KIF6: variants seen among roughly 807,000 people sequenced by gnomAD.
The protein encoded by KIF6 is kinesin-like protein KIF6.
KIF6 carries 106 observed loss-of-function variants against 112.7 expected under a neutral mutation model. The ratio of observed to expected loss-of-function variants is 0.94; its 90% confidence interval spans 0.80 to 1.11. The LOEUF is 1.11. Ranked by LOEUF, KIF6 falls within the 50% of genes least tolerant of loss-of-function variation. KIF6 has a pLI of 0.00. For synonymous variants in KIF6, 339 were observed against 339.9 expected (o/e 1.00, Z 0.03); for missense variants, 929 against 964.0 (o/e 0.96, Z 0.48).
chr6:39,420,107 T>C (rs1318679189), intron 14 of KIF6, 104 bp from the exon 15 acceptor site: 5 of 769,802 alleles, frequency 6.5e-6, no homozygotes, highest in Non-Finnish European at 6.5e-6. Context: ...TGAAACTTTA[T>C]TGAAAGACAC....
chr6:39,485,980 G>A (rs1189376019), intron 13 of KIF6, among the ~76,000 whole-genome samples: 1 of 152,182 alleles, frequency 6.6e-6, no homozygotes, highest in East Asian at 1.9e-4. Flanking sequence ...TTGTCAAGGT[G>A]GCACAGCTAG....
chr6:39,405,063 C>T (rs145516588), intron 15 of KIF6, among the ~76,000 whole-genome samples: 65 of 151,820 alleles, frequency 4.3e-4, no homozygotes, highest in Non-Finnish European at 8.2e-4. Flanking sequence ...TATGTGTAGA[C>T]CTTGTATCCT....
intron 13 of KIF6, among the ~76,000 whole-genome samples, chr6:39,457,162 C>A (rs200763161): frequency 6.6e-6 from 1 of 151,610 alleles, no homozygotes; most frequent in East Asian, 1.9e-4. Flanking sequence ...GAAATTATAA[C>A]AAACTATCTC....
At chr6:39,501,095 G>A (rs1391630755) in intron 13 of KIF6, among the ~76,000 whole-genome samples, 3 of 152,046 alleles carry the variant, frequency 2.0e-5, no homozygotes, top group African/African-American at 7.2e-5. Context: ...ATGAAGAAAA[G>A]GGTGACGGCT....
At chr6:39,415,811 C>T (rs1185646376) in intron 15 of KIF6, among the ~76,000 whole-genome samples, 3 of 151,982 alleles carry the variant, frequency 2.0e-5, no homozygotes, top group African/African-American at 7.3e-5. Context: ...CCCAGATGTA[C>T]AAGAGAAACA....
chr6:39,499,028 G>A (rs533958185), intron 13 of KIF6, among the ~76,000 whole-genome samples: 2 of 152,324 alleles, frequency 1.3e-5, no homozygotes, highest in South Asian at 4.1e-4. Context: ...GGTGTGATAT[G>A]GAGATGCTGT....
At chr6:39,466,022 C>A (rs1773765405) in intron 13 of KIF6, among the ~76,000 whole-genome samples, 2 of 152,328 alleles carry the variant, frequency 1.3e-5, no homozygotes, top group South Asian at 4.1e-4. Flanking sequence ...TCATCCCTTC[C>A]ATATTACATG....
intron 10 of KIF6, among the ~76,000 whole-genome samples, chr6:39,576,602 C>T (rs1014596462): frequency 6.6e-6 from 1 of 152,150 alleles, no homozygotes; most frequent in Non-Finnish European, 1.5e-5. Flanking sequence ...TGGACAGTGT[C>T]TCGACTAGCA....
At chr6:39,422,583 G>A (rs1211661068) in intron 14 of KIF6, among the ~76,000 whole-genome samples, 1 of 152,200 alleles carries the variant, frequency 6.6e-6, no homozygotes, top group Non-Finnish European at 1.5e-5. Context: ...GACGAACTCT[G>A]AAAGGCCCAA....
In KIF6 at chr6:39,679,614, CTTT is replaced by C. The variant is rs55936243; in HGVS notation, c.251+35075_251+35077del. On this transcript the variant is annotated intron_variant, in intron 3 of 22. Transcript: ENST00000287152. The stretch of plus-strand genomic sequence containing the variant: ...TACATGGCAGGGTTTCTTTTCTTTT[CTTT>C]TTTTTTTTTTTTTTTTGAGGCGGAG... 3.8e-3 allele frequency among the ~76,000 whole-genome samples: 401 copies of C among 106,470 alleles called. 1 individual carries two copies. The highest frequency in any genetic ancestry group is 0.012 in the East Asian group (44 of 3,640). The allele number at this position is 106,470 out of a possible 152,430, so 69.8% of individuals were successfully genotyped here.
At chr6:39,425,059 A>G (rs996623589) in intron 14 of KIF6, among the ~76,000 whole-genome samples, 2 of 152,154 alleles carry the variant, frequency 1.3e-5, no homozygotes, top group African/African-American at 2.4e-5. Context: ...CCCACACACC[A>G]TTCACTAGGG....
intron 13 of KIF6, among the ~76,000 whole-genome samples, chr6:39,460,881 T>A (rs866077723): frequency 2.6e-5 from 4 of 152,212 alleles, no homozygotes; most frequent in Admixed American, 6.5e-5. Context: ...TTTGTAATAC[T>A]GCTTCCTTGG....
intron 5 of KIF6, among the ~76,000 whole-genome samples, chr6:39,618,333 A>G (rs1296774519): frequency 6.6e-6 from 1 of 152,194 alleles, no homozygotes; most frequent in Non-Finnish European, 1.5e-5. Context: ...AATATAGCTG[A>G]TCACATGACA....
At chr6:39,367,102 A>G (rs756682121) in intron 16 of KIF6, among the ~76,000 whole-genome samples, 26 of 152,320 alleles carry the variant, frequency 1.7e-4, no homozygotes, top group Admixed American at 7.8e-4. Context: ...CTGCTGCCCA[A>G]GGTGATGTCT....
At chr6:39,446,967 G>T (rs1185823258) in intron 13 of KIF6, among the ~76,000 whole-genome samples, 1 of 152,178 alleles carries the variant, frequency 6.6e-6, no homozygotes, top group Non-Finnish European at 1.5e-5. Flanking sequence ...AAAAGTGAAA[G>T]TGTAAAAATG....
chr6:39,587,216 T>G (rs977961515), intron 7 of KIF6, among the ~76,000 whole-genome samples: 5 of 152,100 alleles, frequency 3.3e-5, no homozygotes, highest in African/African-American at 1.2e-4. Flanking sequence ...ACAAATCCAG[T>G]GCTAGAATGT....
intron 15 of KIF6, among the ~76,000 whole-genome samples, chr6:39,419,581 A>G (rs1295152251): frequency 1.3e-5 from 2 of 152,080 alleles, no homozygotes; most frequent in Admixed American, 6.5e-5. Context: ...AAGCTTTGGG[A>G]GGTGTAAGAG....
chr6:39,366,724 G>A (rs192627370), intron 16 of KIF6, among the ~76,000 whole-genome samples: 15 of 152,298 alleles, frequency 9.8e-5, no homozygotes, highest in African/African-American at 3.1e-4. Context: ...AGAAGGCCAG[G>A]AGCGGTTGGG....
At chr6:39,672,857 G>A (rs1786908039) in intron 3 of KIF6, among the ~76,000 whole-genome samples, 1 of 152,132 alleles carries the variant, frequency 6.6e-6, no homozygotes, top group Admixed American at 6.5e-5. Context: ...TGGGGGTTAG[G>A]ACTTCAACAT....
Sources: gnomAD v4.1 joint callset for allele counts (sites outside exome capture counted in the v4.1 genomes callset) on GRCh38, gnomAD v4.1.1 for gene constraint, MANE v1.5 for transcripts, NCBI Gene and HGNC (gene_info 2026-07-23, HGNC 2026-07-21) for gene names.